Variants in CDK11A observed in about 807,000 individuals in gnomAD.
The protein encoded by CDK11A is cyclin-dependent kinase 11A.
Under a neutral mutation model 83.6 loss-of-function variants are expected in CDK11A, and 55 were observed. The ratio of observed to expected loss-of-function variants is 0.66; its 90% CI spans 0.53 to 0.82. The LOEUF is 0.82. Among genes scored for constraint, CDK11A ranks in the 40% least tolerant of loss-of-function variants. The pLI is 0.00. For synonymous variants in CDK11A, 247 were observed against 302.7 expected (o/e 0.82, Z 1.91); for missense variants, 564 against 810.1 (o/e 0.70, Z 3.69).
rs1644128594 is a variant in CDK11A, at chr1:1,702,624, A to G, written c.*283T>C. ...CCAGTTCCTTTCCAAATCACGGCCC[A>G]GCCAGCCCCGTGCGTGTCGAGAGTG... On this transcript the variant is annotated 3_prime_UTR_variant, in exon 20 of 20. Coordinates refer to ENST00000404249, the MANE Select transcript of CDK11A (RefSeq NM_024011.4). 1.4e-5 allele frequency: 7 copies of G among 495,760 alleles called. 1 individual carries two copies. The highest frequency in any genetic ancestry group is 2.6e-5 in the Non-Finnish European group (7 of 268,272). 30.7% of individuals were successfully genotyped at this position (495,760 alleles called of 1,614,324 possible).
Position 1,704,209 on chromosome 1 carries a change from G to C in CDK11A, c.1686+14C>G, listed in dbSNP as rs777822719. On this transcript the variant is annotated intron_variant, in intron 15 of 19. Transcript: ENST00000404249. ...CGGGTCACCCTGGGATGGGCCACTC[G>C]GAGGGGGGCTCACCTTGAGGATGCC... 5 of 1,608,334 alleles carry C rather than the reference G, an allele frequency of 3.1e-6. No homozygotes were observed. Among genetic ancestry groups the C allele is most frequent in the Non-Finnish European group, 4.2e-6 (5 of 1,176,750 alleles).
intron 3 of CDK11A, among the ~76,000 whole-genome samples, chr1:1,720,086 TTTTA>T (rs1248216842): frequency 9.3e-5 from 14 of 150,816 alleles, no homozygotes; most frequent in African/African-American, 2.4e-4. Flanking sequence ...TTTAATTTAA[TTTTA>T]TTTATTTATT....
In CDK11A at chr1:1,704,075, C is replaced by T; in HGVS notation, c.1758G>A (p.Gln586=). The change falls in exon 16 of 20, where the codon CAG becomes CAA. Residue 586 remains glutamine (Q), a synonymous_variant. Coordinates refer to ENST00000404249, the MANE Select transcript of CDK11A (RefSeq NM_024011.4). ...GCAGCAGCTCTGGGGCGCGGTACCA[C>T]TGGGTCACCACGACCGGGGTGTAGG... ...LKAYTPVVVT[Q]WYRAPELLLG... is the part of the protein sequence containing the mutation. The T allele has an allele frequency of 2.5e-6, 4 of 1,597,118 alleles. 1 individual carries two copies. Among genetic ancestry groups the T allele is most frequent in the Non-Finnish European group, 3.4e-6 (4 of 1,169,690 alleles).
Position 1,702,537 on chromosome 1 carries a change from G to A in CDK11A, c.*370C>T, listed in dbSNP as rs1273668199. On this transcript the variant is annotated 3_prime_UTR_variant, in exon 20 of 20. Coordinates refer to ENST00000404249, the MANE Select transcript of CDK11A (RefSeq NM_024011.4). ...GAGTGGGTTGGGGCAAGAGGGCATC[G>A]CTCATCCCAACACAGAAACAGGTCT... 8.8e-6 allele frequency among the ~76,000 whole-genome samples: 1 copy of A among 113,300 alleles called. No individual in the cohort carries two copies. Among genetic ancestry groups the A allele is most frequent in the Non-Finnish European group, 2.0e-5 (1 of 50,548 alleles). The allele number at this position is 113,300 out of a possible 152,430, so 74.3% of individuals were successfully genotyped here. A position where few individuals can be genotyped will look rare whatever the true frequency, so the allele number is the denominator to read the frequency against.
chr1:1,716,934 T>TGAAGAGACAGGGTCTCAC (rs1557795366), intron 4 of CDK11A, among the ~76,000 whole-genome samples: 1 of 147,126 alleles, frequency 6.8e-6, no homozygotes, highest in Non-Finnish European at 1.5e-5. Flanking sequence ...TTTTTTTTTT[T>TGAAGAGACAGGGTCTCAC]TTGAAGAGAC....
At chr1:1,708,070 C>T in intron 10 of CDK11A, 110 bp downstream of exon 10, 1 of 1,501,702 alleles carries the variant, frequency 6.7e-7, no homozygotes, top group Non-Finnish European at 9.0e-7. Context: ...ATCAGGCGGC[C>T]TCCCAGACCC....
In CDK11A at chr1:1,705,627, G is replaced by C; in HGVS notation, c.1336+15C>G. On this transcript the variant is annotated intron_variant, in intron 12 of 19. Coordinates refer to ENST00000404249, the MANE Select transcript of CDK11A (RefSeq NM_024011.4). Reference sequence around the variant, plus strand: ...CACTTCCCCTGCCTTTGTGGGGTGAGGGGACCCCACCCACCTGTTTTCTTG... The same window carrying C: ...CACTTCCCCTGCCTTTGTGGGGTGACGGGACCCCACCCACCTGTTTTCTTG... 6.3e-6 allele frequency: 3 copies of C among 479,976 alleles called. 1 individual carries two copies. The East Asian group carries it at 9.6e-5, about 15-fold the overall frequency. 29.7% of individuals were successfully genotyped at this position (479,976 alleles called of 1,614,324 possible).
intron 5 of CDK11A, among the ~76,000 whole-genome samples, chr1:1,713,467 TAC>T (rs1439274285): frequency 1.5e-5 from 1 of 68,336 alleles, no homozygotes; most frequent in African/African-American, 3.4e-5. Flanking sequence ...TTAAATTACA[TAC>T]GTTTAGCATA....
intron 5 of CDK11A, among the ~76,000 whole-genome samples, chr1:1,715,707 A>G (rs1227454986): frequency 6.6e-6 from 1 of 151,264 alleles, no homozygotes; most frequent in Non-Finnish European, 1.5e-5. Context: ...CTCTTCCTGG[A>G]GCAGCTTGCA....
At chr1:1,712,052 C>T (rs1570400652) in intron 6 of CDK11A, among the ~76,000 whole-genome samples, 1 of 121,130 alleles carries the variant, frequency 8.3e-6, no homozygotes, top group Non-Finnish European at 1.9e-5. Context: ...ATCACTTGAA[C>T]CCGGGGGGCA....
At chr1:1,710,735 G>C (rs961669327) in intron 6 of CDK11A, among the ~76,000 whole-genome samples, 12 of 149,330 alleles carry the variant, frequency 8.0e-5, no homozygotes, top group Admixed American at 2.7e-4. Context: ...AAGATGTGGA[G>C]AAAGTCAAGA....
chr1:1,722,782 A>C lies in CDK11A; in HGVS notation c.37T>G (p.Leu13Val), dbSNP rs1644955810. The C allele has an allele frequency of 3.5e-6, 5 of 1,448,396 alleles. No individual in the cohort carries two copies. The Admixed American group carries it at 1.2e-4, about 36-fold the overall frequency. 89.7% of individuals were successfully genotyped at this position (1,448,396 alleles called of 1,614,324 possible). Reference protein sequence around the residue: ...DEKDSWKVKTLDEILQEKKRR... With the variant: ...DEKDSWKVKTVDEILQEKKRR... ...TTCTTTTCCTGAAGAATTTCATCTA[A>C]AGTTTTCACTTTCCAAGAGTCCTTT... The change falls in exon 2 of 20, where the codon TTA becomes GTA. Residue 13 changes from leucine (L) to valine (V), a missense_variant. By Grantham distance (32) the Leu-to-Val change is conservative (BLOSUM62 1). This residue lies in a region of CDK11A where 28 missense variants were observed against 54.8 expected (regional missense o/e 0.51). Transcript: ENST00000404249.
In CDK11A at chr1:1,710,781, G is replaced by A. The variant is rs1341504237; in HGVS notation, c.626-1141C>T. 4.3e-5 allele frequency among the ~76,000 whole-genome samples: 6 copies of A among 139,934 alleles called. No homozygotes were observed. The East Asian group carries it at 1.3e-3, about 30-fold the overall frequency. 91.8% of individuals were successfully genotyped at this position (139,934 alleles called of 152,430 possible). On this transcript the variant is annotated intron_variant, in intron 6 of 19. Coordinates refer to ENST00000404249, the MANE Select transcript of CDK11A (RefSeq NM_024011.4). ...TGAACACGACGGAAATATCAACAGA[G>A]ACAGAAGATCCAACAAGAAACCAGA...
At chr1:1,716,025 C>T (rs1258894068) in intron 5 of CDK11A, among the ~76,000 whole-genome samples, 1 of 150,810 alleles carries the variant, frequency 6.6e-6, no homozygotes. Flanking sequence ...CTCCCAGGCT[C>T]AAGGGATCCA....
chr1:1,719,412 T>C lies in CDK11A; in HGVS notation c.271A>G (p.Met91Val), dbSNP rs1239244294. 3.2e-5 allele frequency: 49 copies of C among 1,530,464 alleles called. 3 individuals carry two copies. Among genetic ancestry groups the C allele is most frequent in the Non-Finnish European group, 4.2e-5 (48 of 1,140,950 alleles). The allele number at this position is 1,530,464 out of a possible 1,614,324, so 94.8% of individuals were successfully genotyped here. Residue 91 changes from methionine to valine, a missense_variant, in exon 4 of 20, where the codon ATG (methionine) becomes GTG (valine). Met to Val is a conservative substitution (Grantham distance 21). This residue lies in a region of CDK11A where 151 missense variants were observed against 147.4 expected (regional missense o/e 1.02). Coordinates refer to ENST00000404249, the MANE Select transcript of CDK11A (RefSeq NM_024011.4). ...TGATGAACTTTTTCTTTCCGAGACA[T>C]TTGCTGGGGTGGTTTGATGGCCAAA... ...DSLAIKPPQQ[M>V]SRKEKVHHRK...
intron 4 of CDK11A, among the ~76,000 whole-genome samples, chr1:1,716,720 C>G (rs1360236126): frequency 1.4e-5 from 2 of 144,792 alleles, no homozygotes; most frequent in Non-Finnish European, 3.0e-5. Flanking sequence ...GAGGCTGAGG[C>G]TGTAGAATCA....
intron 5 of CDK11A, among the ~76,000 whole-genome samples, chr1:1,715,590 T>C (rs1364270520): frequency 2.2e-4 from 33 of 149,174 alleles, no homozygotes; most frequent in African/African-American, 7.8e-4. Flanking sequence ...TCCCACACCC[T>C]TCGGCATCAA....
intron 3 of CDK11A, 117 bp downstream of exon 3, chr1:1,721,479 G>C: frequency 2.5e-6 from 3 of 1,215,536 alleles, no homozygotes; most frequent in South Asian, 1.5e-5. Context: ...GGTAACTCTA[G>C]GAAAGAGTAA....
chr1:1,707,364 G>A lies in CDK11A; in HGVS notation c.1245+45C>T, dbSNP rs765330585. The A allele has an allele frequency of 3.3e-5, 52 of 1,590,960 alleles. 2 individuals are homozygous for A. In the Middle Eastern group the frequency reaches 5.7e-4, roughly 17 times the overall value. On this transcript the variant is annotated intron_variant, in intron 11 of 19. Transcript: ENST00000404249. ...TTCGCTCAGCCCCTGTGGTAACTCCGACTGCCAATGCGGACAGCGGCCCGG... is the reference window on the plus strand; with the variant it reads ...TTCGCTCAGCCCCTGTGGTAACTCCAACTGCCAATGCGGACAGCGGCCCGG...
Sources: allele counts gnomAD v4.1 joint callset (sites outside exome capture counted in the v4.1 genomes callset), GRCh38; gene constraint gnomAD v4.1.1; regional missense constraint gnomAD v4.1.1; transcripts MANE v1.5; gene names NCBI Gene and HGNC (gene_info 2026-07-23, HGNC 2026-07-21).